The following ZNF207 variants were observed in gnomAD, a reference collection of about 807,000 sequenced individuals.
ZNF207 encodes the protein BUB3-interacting and GLEBS motif-containing protein ZNF207.
ZNF207 carries 24 observed loss-of-function variants against 60.2 expected under a neutral mutation model. The observed-to-expected ratio is 0.40, with a 90% confidence interval of 0.29 to 0.56. The LOEUF is 0.56. Ranked by LOEUF, ZNF207 falls within the 20% of genes least tolerant of loss-of-function variation. The probability of loss-of-function intolerance (pLI) is 0.49; values close to 1 mark genes in which losing one functional copy is unlikely to be tolerated. For synonymous variants in ZNF207, 236 were observed against 194.7 expected (o/e 1.21, Z -1.77); for missense variants, 452 against 636.6 (o/e 0.71, Z 3.12).
rs1201661668 is a variant in ZNF207 at position 32,371,390 on chromosome 17, A to G, written c.*1631A>G. The G allele has an allele frequency of 6.6e-6, 1 of 152,258 alleles. No individual in the cohort carries two copies. Among genetic ancestry groups the G allele is most frequent in the Non-Finnish European group, 1.5e-5 (1 of 68,042 alleles). The allele number at this position is 152,258 out of a possible 1,614,324, so 9.4% of individuals were successfully genotyped here. On this transcript the variant is annotated 3_prime_UTR_variant, in exon 12 of 12. Transcript: ENST00000394670. Reference sequence around the variant, plus strand: ...AGCCATCACAAAAGAGTTCGTATTTATGTGACAGATGAAAGTCATACCTTT... The same window carrying G: ...AGCCATCACAAAAGAGTTCGTATTTGTGTGACAGATGAAAGTCATACCTTT...
chr17:32,360,261 G>C (rs879844575), intron 3 of ZNF207, among the ~76,000 whole-genome samples: 81 of 151,098 alleles, frequency 5.4e-4, no homozygotes, highest in Non-Finnish European at 1.6e-4. Flanking sequence ...GTGGCGGGAG[G>C]ATCGCTTCAG....
At position 32,369,682 on chromosome 17, in the gene ZNF207, C is replaced by T; in HGVS notation, c.1408C>T (p.Pro470Ser). ...GTATGGGCAGGGACCGCCAATGGTG[C>T]CCCCTTACCAGGGTGGGCCTCCTCG... is the stretch of plus-strand genomic sequence containing the variant. Reference protein sequence around the residue: ...PPYGQGPPMVPPYQGGPPRPP... With the variant: ...PPYGQGPPMVSPYQGGPPRPP... Residue 470 changes from proline to serine, a missense_variant, in exon 12 of 12, where the codon CCC (proline) becomes TCC (serine). By Grantham distance (74) the Pro-to-Ser change is moderately conservative. Transcript: ENST00000394670. 1 of 1,598,358 alleles carries T rather than the reference C, an allele frequency of 6.3e-7. No homozygotes were observed. Among genetic ancestry groups the T allele is most frequent in the Non-Finnish European group, 8.5e-7 (1 of 1,173,040 alleles).
chr17:32,351,772 A>G lies in ZNF207; in HGVS notation c.42-14A>G. The G allele has an allele frequency of 6.2e-7, 1 of 1,609,456 alleles. No homozygotes were observed. Among genetic ancestry groups the G allele is most frequent in the Non-Finnish European group, 8.5e-7 (1 of 1,177,344 alleles). On this transcript the variant is annotated splice_polypyrimidine_tract_variant and intron_variant, in intron 1 of 11. Transcript: ENST00000394670. ...ATCATTAGGCTGTCTTTGTGCCTTA[A>G]CAGTATTGATCAGGTATTGTAATAG...
intron 2 of ZNF207, among the ~76,000 whole-genome samples, chr17:32,353,162 AG>A (rs1904311879): frequency 1.3e-5 from 2 of 152,114 alleles, no homozygotes; most frequent in South Asian, 2.1e-4. Context: ...CAACAGGGTG[AG>A]ACTCTGTCTC....
At position 32,371,931 on chromosome 17, in the gene ZNF207, T is replaced by C. The variant is rs1035990195; in HGVS notation, c.*2172T>C. ...CTTACCTAAATGGTTTCAAAATTAA[T>C]ACATGCTGCTTTGATTTGGCAGCAC... On this transcript the variant is annotated 3_prime_UTR_variant, in exon 12 of 12. Transcript: ENST00000394670. 11 of 152,174 alleles carry C rather than the reference T, an allele frequency of 7.2e-5. No homozygotes were observed. The highest frequency in any genetic ancestry group is 2.7e-4 in the African/African-American group (11 of 41,440). 9.4% of individuals were successfully genotyped at this position (152,174 alleles called of 1,614,324 possible).
intron 5 of ZNF207, 147 bp from the exon 6 acceptor site, chr17:32,361,321 C>G: frequency 1.6e-6 from 1 of 608,722 alleles, no homozygotes. Context: ...ATTTATTTGT[C>G]AAAGCATCAA....
In ZNF207 at chr17:32,361,600, T is replaced by G. The variant is rs1024838608; in HGVS notation, c.599+85T>G. ...TGTGTGTTTAATGGTATCTATTCAG[T>G]TGACTTCAGAAATTTTCTAACCTTC... On this transcript the variant is annotated intron_variant, in intron 6 of 11. Transcript: ENST00000394670. The G allele has an allele frequency of 1.8e-5, 23 of 1,281,812 alleles. No individual in the cohort carries two copies. The African/African-American group carries it at 3.5e-4, about 19-fold the overall frequency. 79.4% of individuals were successfully genotyped at this position (1,281,812 alleles called of 1,614,324 possible).
chr17:32,360,071 G>A (rs1904766464), intron 3 of ZNF207, among the ~76,000 whole-genome samples: 1 of 151,170 alleles, frequency 6.6e-6, no homozygotes, highest in Non-Finnish European at 1.5e-5. Flanking sequence ...AATAGAATTA[G>A]CAAGTGTTAA....
chr17:32,368,038 G>A (rs577302472), intron 10 of ZNF207, 24 bp downstream of exon 10: 6 of 1,612,186 alleles, frequency 3.7e-6, no homozygotes, highest in African/African-American at 2.7e-5. Flanking sequence ...AGTTTTCTAC[G>A]AGCAGCATTT....
At chr17:32,355,785 C>T (rs1904473133) in intron 2 of ZNF207, among the ~76,000 whole-genome samples, 2 of 152,212 alleles carry the variant, frequency 1.3e-5, no homozygotes, top group Non-Finnish European at 1.5e-5. Context: ...AAGTCAATGA[C>T]GTGTTTCAAG....
At chr17:32,366,262 C>T (rs980621296) in intron 8 of ZNF207, among the ~76,000 whole-genome samples, 3 of 151,916 alleles carry the variant, frequency 2.0e-5, no homozygotes, top group African/African-American at 7.3e-5. Flanking sequence ...GCACATTAAC[C>T]TAGCTTTTAT....
Position 32,374,820 on chromosome 17 carries a change from A to T in ZNF207, c.*5061A>T, listed in dbSNP as rs1217518543. The T allele has an allele frequency of 6.6e-6, 1 of 152,202 alleles. No homozygotes were observed. Among genetic ancestry groups the T allele is most frequent in the African/African-American group, 2.4e-5 (1 of 41,466 alleles). The allele number at this position is 152,202 out of a possible 1,614,324, so 9.4% of individuals were successfully genotyped here. ...ATCCTGTGGTAAAGTATGTTAAACT[A>T]TGGTTTTGGAGTGATTATTTTGAGG... On this transcript the variant is annotated 3_prime_UTR_variant, in exon 12 of 12. Transcript: ENST00000394670.
At position 32,357,311 on chromosome 17, in the gene ZNF207, AATTATT is replaced by A. The variant is rs1330669262; in HGVS notation, c.169-1155_169-1150del. 9.0e-3 allele frequency among the ~76,000 whole-genome samples: 1,062 copies of A among 117,832 alleles called. 36 individuals are homozygous for A. Among genetic ancestry groups the A allele is most frequent in the Middle Eastern group, 0.017 (4 of 230 alleles). 77.3% of individuals were successfully genotyped at this position (117,832 alleles called of 152,430 possible). ...CTATACTTAGAAAATTTGCTATTCTAATTATTATTATTATTATTATTATTATTATTA... is the reference window on the plus strand; with the variant it reads ...CTATACTTAGAAAATTTGCTATTCTAATTATTATTATTATTATTATTATTA... On this transcript the variant is annotated intron_variant, in intron 2 of 11. Coordinates refer to ENST00000394670, the MANE Select transcript of ZNF207 (RefSeq NM_001098507.2).
rs1021921717 is a variant in ZNF207 at position 32,376,563 on chromosome 17, C to A, written c.*6804C>A. The A allele has an allele frequency of 2.6e-5, 4 of 151,898 alleles. No homozygotes were observed. The highest frequency in any genetic ancestry group is 9.7e-5 in the African/African-American group (4 of 41,370). 9.4% of individuals were successfully genotyped at this position (151,898 alleles called of 1,614,324 possible). On this transcript the variant is annotated 3_prime_UTR_variant, in exon 12 of 12. Transcript: ENST00000394670. ...GGGAAAATGTCTTTATTTTACTAAG[C>A]GGAAGTAGTAGTCATATTGAGGCAG...
rs1905183832 is a variant in ZNF207 at position 32,366,820 on chromosome 17, T to G, written c.921+63T>G. The G allele has an allele frequency of 9.3e-6, 13 of 1,400,850 alleles. No homozygotes were observed. In the South Asian group the frequency reaches 1.8e-4, roughly 19 times the overall value. The allele number at this position is 1,400,850 out of a possible 1,614,324, so 86.8% of individuals were successfully genotyped here. On this transcript the variant is annotated intron_variant, in intron 9 of 11. Transcript: ENST00000394670. Reference sequence around the variant, plus strand: ...CTTTATAACTTAACCCTTTGGACCCTACTTAAAAAATGAATATTTTTCCAA... The same window carrying G: ...CTTTATAACTTAACCCTTTGGACCCGACTTAAAAAATGAATATTTTTCCAA...
Position 32,370,683 on chromosome 17 carries a change from C to T in ZNF207, c.*924C>T, listed in dbSNP as rs1905428518. The T allele has an allele frequency of 2.0e-5, 3 of 152,162 alleles. No individual in the cohort carries two copies. The South Asian group carries it at 6.2e-4, about 31-fold the overall frequency. The allele number at this position is 152,162 out of a possible 1,614,324, so 9.4% of individuals were successfully genotyped here. A position where few individuals can be genotyped will look rare whatever the true frequency, so the allele number is the denominator to read the frequency against. On this transcript the variant is annotated 3_prime_UTR_variant, in exon 12 of 12. Transcript: ENST00000394670. ...TAAAATGTAAATGTTAACACTTTTC[C>T]TTCCTGCTGAGATGTTTAGAGCCTA...
chr17:32,365,738 GTT>G (rs60104494), intron 8 of ZNF207: 448 of 133,930 alleles, frequency 3.3e-3, no homozygotes, highest in African/African-American at 6.2e-3. Context: ...TTTATTCTTA[GTT>G]TTTTTTTTTT....
chr17:32,361,453 C>A lies in ZNF207; in HGVS notation c.552-15C>A. On this transcript the variant is annotated splice_polypyrimidine_tract_variant and intron_variant, in intron 5 of 11. Coordinates refer to ENST00000394670, the MANE Select transcript of ZNF207 (RefSeq NM_001098507.2). ...AATCACAGTTAGATTTTGATTTTGT[C>A]ATACATTTTCACAGATTGCATCATC... The A allele has an allele frequency of 6.2e-7, 1 of 1,604,522 alleles. No individual in the cohort carries two copies.
Position 32,376,493 on chromosome 17 carries a change from A to G in ZNF207, c.*6734A>G, listed in dbSNP as rs890843055. 1 of 152,100 alleles carries G rather than the reference A, an allele frequency of 6.6e-6. No individual in the cohort carries two copies. Among genetic ancestry groups the G allele is most frequent in the Non-Finnish European group, 1.5e-5 (1 of 67,946 alleles). The allele number at this position is 152,100 out of a possible 1,614,324, so 9.4% of individuals were successfully genotyped here. On this transcript the variant is annotated 3_prime_UTR_variant, in exon 12 of 12. Coordinates refer to ENST00000394670, the MANE Select transcript of ZNF207 (RefSeq NM_001098507.2). ...AACTAAATTAGTTTGAGAAATCTGAATCATCTCTCTTTAAATCTGTTCAGT... is the reference window on the plus strand; with the variant it reads ...AACTAAATTAGTTTGAGAAATCTGAGTCATCTCTCTTTAAATCTGTTCAGT...
Sources: gnomAD v4.1 joint callset for allele counts (sites outside exome capture counted in the v4.1 genomes callset) on GRCh38, gnomAD v4.1.1 for gene constraint, MANE v1.5 for transcripts, NCBI Gene and HGNC (gene_info 2026-07-23, HGNC 2026-07-21) for gene names.